EGFLAM: variants seen among roughly 807,000 people sequenced by gnomAD.
EGFLAM encodes EGF like, fibronectin type III and laminin G domains.
EGFLAM carries 79 observed loss-of-function variants against 113.1 expected under a neutral mutation model. The ratio of observed to expected loss-of-function variants is 0.70; its 90% CI spans 0.58 to 0.84. EGFLAM has a LOEUF of 0.84. Among genes scored for constraint, EGFLAM ranks in the 40% least tolerant of loss-of-function variants. The pLI is 0.00. For synonymous variants in EGFLAM, 504 were observed against 487.6 expected, an observed-to-expected ratio of 1.03 and a Z score of -0.44; for missense variants, 1,265 against 1,291.6, an observed-to-expected ratio of 0.98 and a Z score of 0.32.
At chr5:38,427,799 T>C (rs1742065218) in intron 14 of EGFLAM, among the ~76,000 whole-genome samples, 1 of 152,218 alleles carries the variant, frequency 6.6e-6, no homozygotes, top group Non-Finnish European at 1.5e-5. Flanking sequence ...CTAAGCAATA[T>C]GCTCAAGAAA....
intron 1 of EGFLAM, among the ~76,000 whole-genome samples, chr5:38,317,791 A>C (rs1224459979): frequency 6.6e-6 from 1 of 152,214 alleles, no homozygotes; most frequent in African/African-American, 2.4e-5. Context: ...ACTTGGCAAA[A>C]TGTTTCAAGC....
chr5:38,460,531 CAG>C (rs554545717), intron 20 of EGFLAM, among the ~76,000 whole-genome samples: 42 of 152,300 alleles, frequency 2.8e-4, no homozygotes, highest in Middle Eastern at 3.4e-3. Context: ...TTTCACATGT[CAG>C]AGTGTCAAGC....
intron 1 of EGFLAM, among the ~76,000 whole-genome samples, chr5:38,315,752 T>C (rs1287908200): frequency 6.6e-6 from 1 of 152,170 alleles, no homozygotes; most frequent in Admixed American, 6.5e-5. Context: ...GGGCTTCTTG[T>C]GAAGTTTAAA....
intron 5 of EGFLAM, among the ~76,000 whole-genome samples, chr5:38,367,961 G>T (rs368804423): frequency 3.6e-4 from 55 of 152,302 alleles, no homozygotes; most frequent in African/African-American, 1.3e-3. Flanking sequence ...GGAAATAAGA[G>T]TTTTTCTTTT....
chr5:38,439,689 G>C (rs568480446), intron 17 of EGFLAM, among the ~76,000 whole-genome samples: 2 of 152,222 alleles, frequency 1.3e-5, no homozygotes, highest in South Asian at 4.1e-4. Context: ...AACAAGGGAG[G>C]GTAATTGATT....
intron 1 of EGFLAM, among the ~76,000 whole-genome samples, chr5:38,283,405 G>A (rs1200243554): frequency 6.6e-6 from 1 of 152,158 alleles, no homozygotes; most frequent in Non-Finnish European, 1.5e-5. Flanking sequence ...TTATAATGGG[G>A]AAGAATCCAC....
chr5:38,445,341 A>T (rs1742671247), intron 17 of EGFLAM: 1 of 259,596 alleles, frequency 3.9e-6, no homozygotes, highest in South Asian at 1.5e-4. Flanking sequence ...TAGATTTAAA[A>T]GAAATGCAGA....
chr5:38,393,857 G>A (rs531192336), intron 6 of EGFLAM, among the ~76,000 whole-genome samples: 5 of 152,332 alleles, frequency 3.3e-5, no homozygotes, highest in Admixed American at 2.0e-4. Flanking sequence ...TGGCGGCCCC[G>A]GCCCTCTCGG....
At chr5:38,438,156 A>T (rs1742411051) in intron 16 of EGFLAM, 119 bp from the exon 17 acceptor site, 1 of 1,076,144 alleles carries the variant, frequency 9.3e-7, no homozygotes, top group Non-Finnish European at 1.2e-6. Context: ...AACTGGACTT[A>T]AAAAAATTTT....
intron 1 of EGFLAM, among the ~76,000 whole-genome samples, chr5:38,272,467 A>C (rs1757787734): frequency 6.6e-6 from 1 of 152,140 alleles, no homozygotes; most frequent in South Asian, 2.1e-4. Flanking sequence ...ATAAAGCTAG[A>C]CCAGTCTGCC....
chr5:38,352,402 A>C, intron 5 of EGFLAM, 71 bp downstream of exon 5: 1 of 1,581,200 alleles, frequency 6.3e-7, no homozygotes. Flanking sequence ...TAATCCCAGC[A>C]CTTTGGCAGG....
chr5:38,348,176 G>A (rs1019421171), intron 3 of EGFLAM, among the ~76,000 whole-genome samples: 12 of 152,124 alleles, frequency 7.9e-5, no homozygotes, highest in African/African-American at 2.4e-4. Context: ...TAGTCACTGG[G>A]TAGATGTTCA....
At chr5:38,390,924 G>A (rs910065319) in intron 6 of EGFLAM, among the ~76,000 whole-genome samples, 11 of 151,938 alleles carry the variant, frequency 7.2e-5, no homozygotes, top group African/African-American at 2.7e-4. Flanking sequence ...ATGTGTTGCA[G>A]GTATCTCCTG....
At chr5:38,445,745 G>A in intron 17 of EGFLAM, 2 of 1,590,204 alleles carry the variant, frequency 1.3e-6, no homozygotes, top group Non-Finnish European at 1.7e-6. Context: ...GAGCGCTCTG[G>A]GCTGGGGCAG....
At chr5:38,448,029 T>C (rs1481745084) in intron 17 of EGFLAM, among the ~76,000 whole-genome samples, 1 of 152,084 alleles carries the variant, frequency 6.6e-6, no homozygotes, top group Non-Finnish European at 1.5e-5. Context: ...ACAGTTCAAG[T>C]TTCAGCACAT....
chr5:38,322,980 T>G (rs1561277734), intron 1 of EGFLAM, among the ~76,000 whole-genome samples: 1 of 152,226 alleles, frequency 6.6e-6, no homozygotes, highest in Non-Finnish European at 1.5e-5. Flanking sequence ...TGGCCACTTT[T>G]TTTTGGGTTA....
chr5:38,316,967 C>G (rs1330521166), intron 1 of EGFLAM, among the ~76,000 whole-genome samples: 1 of 152,164 alleles, frequency 6.6e-6, no homozygotes, highest in African/African-American at 2.4e-5. Flanking sequence ...ATTACTGCCC[C>G]ATGTGGTAGT....
chr5:38,278,886 T>C (rs1325950997), intron 1 of EGFLAM, among the ~76,000 whole-genome samples: 3 of 152,134 alleles, frequency 2.0e-5, no homozygotes, highest in African/African-American at 7.2e-5. Flanking sequence ...TAAAAGTTTC[T>C]GCACATCAAA....
chr5:38,422,573 CCAGCTCTATCA>C (rs943563485), intron 12 of EGFLAM, among the ~76,000 whole-genome samples: 1 of 152,034 alleles, frequency 6.6e-6, no homozygotes, highest in Non-Finnish European at 1.5e-5. Context: ...ATATTGAAAC[CCAGCTCTATCA>C]CATATTTTTA....
Sources: gnomAD v4.1 joint callset for allele counts (sites outside exome capture counted in the v4.1 genomes callset) on GRCh38, gnomAD v4.1.1 for gene constraint, MANE v1.5 for transcripts, NCBI Gene and HGNC (gene_info 2026-07-23, HGNC 2026-07-21) for gene names.